The following SAMSN1 variants were observed in gnomAD, a reference collection of about 807,000 sequenced individuals.
SAMSN1 encodes the protein SAM domain, SH3 domain and nuclear localization signals 1, also known as SAM domain-containing protein SAMSN-1.
SAMSN1 carries 31 observed loss-of-function variants against 42.0 expected under a neutral mutation model. That is an observed-to-expected ratio of 0.74 (90% confidence interval 0.55 to 1.00). The LOEUF (loss-of-function observed/expected upper bound fraction) is 1.00. SAMSN1 is among the 50% of genes least tolerant of loss of function. SAMSN1 has a pLI of 0.00. For missense variants in SAMSN1, 464 were observed against 439.4 expected, an observed-to-expected ratio of 1.06 and a Z score of -0.50; for synonymous variants, 178 against 151.9, an observed-to-expected ratio of 1.17 and a Z score of -1.26.
At chr21:14,524,678 T>G (rs1359613468) in intron 1 of SAMSN1, among the ~76,000 whole-genome samples, 1 of 152,186 alleles carries the variant, frequency 6.6e-6, no homozygotes, top group African/African-American at 2.4e-5. Flanking sequence ...AGCACTTTTA[T>G]ATTATCAAAA....
Position 14,577,288 on chromosome 21 carries a change from T to A in SAMSN1, c.261+4848A>T, listed in dbSNP as rs867067609. Among the ~76,000 whole-genome samples, 114 of 98,840 alleles carry A rather than the reference T, an allele frequency of 1.2e-3. 4 individuals are homozygous for A. Among genetic ancestry groups the A allele is most frequent in the African/African-American group, 2.2e-3 (61 of 27,366 alleles). The allele number at this position is 98,840 out of a possible 152,430, so 64.8% of individuals were successfully genotyped here. A position where few individuals can be genotyped will look rare whatever the true frequency, so the allele number is the denominator to read the frequency against. ...TATATATATATATATATATATATTTTTTTTTTAGAAGAGACAGGGTTTTAC... is the reference window on the plus strand; with the variant it reads ...TATATATATATATATATATATATTTATTTTTTAGAAGAGACAGGGTTTTAC... On this transcript the variant is annotated intron_variant, in intron 2 of 8. Transcript: ENST00000285670.
At chr21:14,633,607 T>C (rs1172703962) in intron 2 of SAMSN1, among the ~76,000 whole-genome samples, 1 of 152,230 alleles carries the variant, frequency 6.6e-6, no homozygotes, top group Non-Finnish European at 1.5e-5. Flanking sequence ...GGTGGCCTAA[T>C]ATGATTATAG....
At chr21:14,599,564 G>A (rs1336250935) in intron 6 of SAMSN1, among the ~76,000 whole-genome samples, 1 of 152,126 alleles carries the variant, frequency 6.6e-6, no homozygotes, top group East Asian at 1.9e-4. Flanking sequence ...CAGGTGTTTG[G>A]GTTATGGGGC....
intron 2 of SAMSN1, among the ~76,000 whole-genome samples, chr21:14,553,629 C>G (rs1453574838): frequency 6.6e-6 from 1 of 152,128 alleles, no homozygotes; most frequent in African/African-American, 2.4e-5. Context: ...AGGGCACTTA[C>G]ATCCTTTTAG....
intron 5 of SAMSN1, among the ~76,000 whole-genome samples, chr21:14,503,580 A>G (rs1402910506): frequency 1.3e-5 from 2 of 152,170 alleles, no homozygotes; most frequent in Non-Finnish European, 2.9e-5. Context: ...GCAATAGAGA[A>G]TGAATACAGA....
chr21:14,517,640 C>T (rs990821955), intron 2 of SAMSN1, among the ~76,000 whole-genome samples: 4 of 152,000 alleles, frequency 2.6e-5, no homozygotes, highest in Non-Finnish European at 5.9e-5. Flanking sequence ...GCCATTAGTA[C>T]AGAAATCTTC....
intron 2 of SAMSN1, among the ~76,000 whole-genome samples, chr21:14,575,829 T>C (rs749490982): frequency 6.6e-6 from 1 of 152,230 alleles, no homozygotes; most frequent in Non-Finnish European, 1.5e-5. Flanking sequence ...CTAAACCATG[T>C]GCCTCCTTAC....
chr21:14,568,997 A>T (rs186570132), intron 2 of SAMSN1, among the ~76,000 whole-genome samples: 114 of 152,288 alleles, frequency 7.5e-4, no homozygotes, highest in Non-Finnish European at 1.2e-3. Context: ...CCAGCATTAA[A>T]AAACATTAAA....
chr21:14,490,264 C>T (rs1986627508), intron 7 of SAMSN1, among the ~76,000 whole-genome samples: 1 of 152,048 alleles, frequency 6.6e-6, no homozygotes, highest in African/African-American at 2.4e-5. Context: ...AATTAAAGGG[C>T]ATTGGAACTA....
At chr21:14,623,859 T>C (rs8131281) in intron 2 of SAMSN1, among the ~76,000 whole-genome samples, 2,249 of 152,186 alleles carry the variant, frequency 0.015, 62 homozygotes, top group African/African-American at 0.051. Flanking sequence ...ATTCCAAAAC[T>C]GACCACATAG....
At chr21:14,579,304 T>C (rs1321697298) in intron 2 of SAMSN1, among the ~76,000 whole-genome samples, 1 of 152,200 alleles carries the variant, frequency 6.6e-6, no homozygotes, top group African/African-American at 2.4e-5. Context: ...ATGTTTGACC[T>C]TCTGCAGATA....
Position 14,494,763 on chromosome 21 carries a change from A to G in SAMSN1, c.919+3679T>C, listed in dbSNP as rs532892790. Among the ~76,000 whole-genome samples, 3 of 152,238 alleles carry G rather than the reference A, an allele frequency of 2.0e-5. No individual in the cohort carries two copies. The South Asian group carries it at 6.2e-4, about 32-fold the overall frequency. On this transcript the variant is annotated intron_variant, in intron 7 of 7. Coordinates refer to ENST00000400566, the MANE Select transcript of SAMSN1 (RefSeq NM_022136.5). ...CATTTTCAAGGTCAAAGTGGGTACA[A>G]TGCTATCTATCTTGGGCTAAGAAGA...
intron 2 of SAMSN1, among the ~76,000 whole-genome samples, chr21:14,564,782 CCTT>C (rs1156438001): frequency 1.3e-5 from 2 of 152,102 alleles, no homozygotes; most frequent in African/African-American, 2.4e-5. Context: ...TATGTTGTCA[CCTT>C]CTCCTAAGAC....
At chr21:14,559,086 G>A (rs1225534341) in intron 2 of SAMSN1, among the ~76,000 whole-genome samples, 2 of 152,146 alleles carry the variant, frequency 1.3e-5, no homozygotes, top group African/African-American at 2.4e-5. Flanking sequence ...ATTAGAGCTT[G>A]ACTTGAATTT....
chr21:14,565,346 A>G, intron 2 of SAMSN1, among the ~76,000 whole-genome samples: 1 of 151,654 alleles, frequency 6.6e-6, no homozygotes, highest in East Asian at 1.9e-4. Flanking sequence ...TCCAAGACGC[A>G]GGGAAAATAT....
At chr21:14,611,572 C>T (rs1272072620) in intron 4 of SAMSN1, among the ~76,000 whole-genome samples, 1 of 152,180 alleles carries the variant, frequency 6.6e-6, no homozygotes, top group Non-Finnish European at 1.5e-5. Flanking sequence ...ACTGTATGTG[C>T]ATGCAGAATA....
At chr21:14,578,207 A>G (rs1450503276) in intron 2 of SAMSN1, among the ~76,000 whole-genome samples, 1 of 152,184 alleles carries the variant, frequency 6.6e-6, no homozygotes, top group Non-Finnish European at 1.5e-5. Flanking sequence ...CTCAGAGGAA[A>G]GAGAGTGAGT....
At chr21:14,631,968 A>G (rs1983342160) in intron 2 of SAMSN1, among the ~76,000 whole-genome samples, 1 of 152,184 alleles carries the variant, frequency 6.6e-6, no homozygotes, top group Non-Finnish European at 1.5e-5. Context: ...GAAGGAAGGA[A>G]GGGAAGGAAA....
At chr21:14,528,750 G>T (rs1370923704) in intron 1 of SAMSN1, among the ~76,000 whole-genome samples, 1 of 151,912 alleles carries the variant, frequency 6.6e-6, no homozygotes, top group Non-Finnish European at 1.5e-5. Context: ...CAGATTATTT[G>T]TCCCCAAATT....
Sources: gnomAD v4.1 joint callset for allele counts (sites outside exome capture counted in the v4.1 genomes callset) on GRCh38, gnomAD v4.1.1 for gene constraint, MANE v1.5 for transcripts, NCBI Gene and HGNC (gene_info 2026-07-23, HGNC 2026-07-21) for gene names.